Variants in IL1RAPL1 observed in about 807,000 individuals in gnomAD.
The protein encoded by IL1RAPL1 is interleukin 1 receptor accessory protein like 1.
A neutral mutation model predicts 48.4 loss-of-function variants in IL1RAPL1; 3 were observed. That is an observed-to-expected ratio of 0.06 (90% CI 0.03 to 0.16). The LOEUF (loss-of-function observed/expected upper bound fraction) is 0.16, where lower values mean the gene tolerates loss of function less well. IL1RAPL1 is among the 10% of genes least tolerant of loss of function. The probability of loss-of-function intolerance (pLI) is 1.00; values close to 1 mark genes in which losing one functional copy is unlikely to be tolerated. For missense variants in IL1RAPL1, 349 were observed against 530.6 expected (o/e 0.66, Z 3.36); for synonymous variants, 185 against 187.7 (o/e 0.99, Z 0.12).
chrX:29,909,952 G>C (rs986550092), intron 6 of IL1RAPL1, among the ~76,000 whole-genome samples: 1 of 111,342 alleles, frequency 9.0e-6, no homozygotes, highest in African/African-American at 3.3e-5. Context: ...AAAGACACAT[G>C]CATGCGTACG....
At position 29,417,541 on chromosome X, in the gene IL1RAPL1, C is replaced by T. The variant is rs1466834040; in HGVS notation, c.703+18233C>T. On this transcript the variant is annotated intron_variant, in intron 5 of 10. Coordinates refer to ENST00000378993, the MANE Select transcript of IL1RAPL1 (RefSeq NM_014271.4). ...AATTAGAAGACCTTACTGTATATTT[C>T]TTTATCATTTGTTGGGTTGATCATC... Among the ~76,000 whole-genome samples the T allele has an allele frequency of 6.3e-5, 7 of 111,655 alleles. No individual in the cohort carries two copies. In the Admixed American group the frequency reaches 6.7e-4, roughly 11 times the overall value.
intron 6 of IL1RAPL1, among the ~76,000 whole-genome samples, chrX:29,722,175 C>CT (rs1569153894): frequency 9.0e-6 from 1 of 111,638 alleles, no homozygotes; most frequent in African/African-American, 3.2e-5. Context: ...ACATAGTTAC[C>CT]TTTTTTGTGG....
rs756928825 is a variant in IL1RAPL1, at chrX:29,602,550, C to T, written c.704-65880C>T. On this transcript the variant is annotated intron_variant, in intron 5 of 10. Transcript: ENST00000378993. Reference sequence around the variant, plus strand: ...AATAGGCAGCCAAGCCACAGCCATTCGTACACTAAGACACCCATGATCCCA... The same window carrying T: ...AATAGGCAGCCAAGCCACAGCCATTTGTACACTAAGACACCCATGATCCCA... Among the ~76,000 whole-genome samples, 8 of 112,641 alleles carry T rather than the reference C, an allele frequency of 7.1e-5. No homozygotes were observed. The East Asian group carries it at 1.4e-3, about 19-fold the overall frequency.
chrX:28,994,528 G>A (rs1341815882), intron 2 of IL1RAPL1, among the ~76,000 whole-genome samples: 1 of 111,283 alleles, frequency 9.0e-6, no homozygotes, highest in Non-Finnish European at 1.9e-5. Context: ...CCAGTGGCTG[G>A]TAGGATCTAA....
chrX:29,226,369 A>G (rs949069135), intron 2 of IL1RAPL1, among the ~76,000 whole-genome samples: 2 of 110,433 alleles, frequency 1.8e-5, no homozygotes, highest in African/African-American at 6.6e-5. Flanking sequence ...ATGATGTTCC[A>G]CAGTTGTATT....
At chrX:29,224,449 T>A (rs148841222) in intron 2 of IL1RAPL1, among the ~76,000 whole-genome samples, 2,514 of 111,418 alleles carry the variant, frequency 0.023, 65 homozygotes, top group African/African-American at 0.078. Context: ...TCTCCAAAAG[T>A]AGACAAAAGT....
chrX:29,132,718 C>G (rs926138869), intron 2 of IL1RAPL1, among the ~76,000 whole-genome samples: 4 of 112,015 alleles, frequency 3.6e-5, no homozygotes, highest in African/African-American at 1.3e-4. Flanking sequence ...CTGTAAAGCT[C>G]TAAGCCAGGC....
intron 5 of IL1RAPL1, among the ~76,000 whole-genome samples, chrX:29,535,292 G>T (rs1373303309): frequency 9.0e-6 from 1 of 111,003 alleles, no homozygotes; most frequent in Non-Finnish European, 1.9e-5. Flanking sequence ...AAAACTAGGG[G>T]GAGATTGAGA....
chrX:29,857,945 C>A (rs10126864), intron 6 of IL1RAPL1, among the ~76,000 whole-genome samples: 3,510 of 111,705 alleles, frequency 0.031, 127 homozygotes, highest in African/African-American at 0.11. Context: ...TGTTTATTTT[C>A]TTCTGGTATA....
intron 5 of IL1RAPL1, among the ~76,000 whole-genome samples, chrX:29,610,404 C>A (rs186747882): frequency 1.8e-5 from 2 of 111,809 alleles, no homozygotes; most frequent in East Asian, 5.6e-4. Context: ...CCGTAGACAG[C>A]ATATTAATTT....
In IL1RAPL1 at chrX:28,715,135, G is replaced by A. The variant is rs927687848; in HGVS notation, c.-24-74185G>A. ...CATGGCATTTACTCTAAAATTGATCGTATAATCAGAAGTAAAACACTCCTC... is the reference window on the plus strand; with the variant it reads ...CATGGCATTTACTCTAAAATTGATCATATAATCAGAAGTAAAACACTCCTC... On this transcript the variant is annotated intron_variant, in intron 1 of 10. Coordinates refer to ENST00000378993, the MANE Select transcript of IL1RAPL1 (RefSeq NM_014271.4). Among the ~76,000 whole-genome samples, 6 of 112,071 alleles carry A rather than the reference G, an allele frequency of 5.4e-5. No homozygotes were observed. The East Asian group carries it at 1.1e-3, about 21-fold the overall frequency.
intron 2 of IL1RAPL1, among the ~76,000 whole-genome samples, chrX:29,244,416 A>G (rs988955051): frequency 8.9e-6 from 1 of 112,511 alleles, no homozygotes; most frequent in Non-Finnish European, 1.9e-5. Context: ...CATTGAATAG[A>G]TTCTCCTTAA....
intron 5 of IL1RAPL1, among the ~76,000 whole-genome samples, chrX:29,572,943 A>G (rs112294139): frequency 6.0e-4 from 68 of 112,580 alleles, no homozygotes; most frequent in African/African-American, 2.0e-3. Flanking sequence ...GTGTTATCTT[A>G]GTCTGTTTGG....
chrX:28,769,921 C>T (rs188723155), intron 1 of IL1RAPL1, among the ~76,000 whole-genome samples: 8 of 111,893 alleles, frequency 7.1e-5, no homozygotes, highest in African/African-American at 2.6e-4. Context: ...GATACGAATA[C>T]TAAAGCCCAG....
At chrX:29,935,023 G>A (rs754220962) in intron 8 of IL1RAPL1, among the ~76,000 whole-genome samples, 16 of 111,215 alleles carry the variant, frequency 1.4e-4, no homozygotes, top group African/African-American at 4.9e-4. Flanking sequence ...CTGACATTTC[G>A]AAGAGTAGAA....
intron 2 of IL1RAPL1, among the ~76,000 whole-genome samples, chrX:29,144,623 AAAG>A (rs1457009325): frequency 9.2e-6 from 1 of 108,366 alleles, no homozygotes; most frequent in Non-Finnish European, 1.9e-5. Flanking sequence ...AAAAAAAAAA[AAAG>A]GAAAGATCTG....
intron 2 of IL1RAPL1, among the ~76,000 whole-genome samples, chrX:29,169,856 C>T (rs190945850): frequency 4.5e-5 from 5 of 110,650 alleles, no homozygotes; most frequent in African/African-American, 1.6e-4. Flanking sequence ...ATATGTGGTT[C>T]ATGGAAAAAT....
chrX:29,118,402 G>T (rs1179606756), intron 2 of IL1RAPL1, among the ~76,000 whole-genome samples: 1 of 111,447 alleles, frequency 9.0e-6, no homozygotes, highest in East Asian at 2.8e-4. Flanking sequence ...ATTTACTCGT[G>T]GTTACAGAGC....
intron 5 of IL1RAPL1, among the ~76,000 whole-genome samples, chrX:29,527,560 C>T (rs192271878): frequency 4.4e-4 from 48 of 109,051 alleles, no homozygotes; most frequent in African/African-American, 1.6e-3. Flanking sequence ...CTCCTGACCT[C>T]GTGATCTGCC....
Sources: gnomAD v4.1 joint callset for allele counts (sites outside exome capture counted in the v4.1 genomes callset) on GRCh38, gnomAD v4.1.1 for gene constraint, MANE v1.5 for transcripts, NCBI Gene and HGNC (gene_info 2026-07-23, HGNC 2026-07-21) for gene names.